Variants in POC1B observed in about 807,000 individuals in gnomAD.
The protein encoded by POC1B is POC1 centriolar protein B.
In POC1B, 44 loss-of-function variants were observed where a neutral mutation model predicts 60.6. The observed-to-expected ratio is 0.73, with a 90% CI of 0.57 to 0.93. POC1B has a LOEUF of 0.93. Ranked by LOEUF, POC1B falls within the 40% of genes least tolerant of loss-of-function variation. POC1B has a pLI of 0.00. For missense variants in POC1B, 555 were observed against 572.3 expected, an observed-to-expected ratio of 0.97 and a Z score of 0.31; for synonymous variants, 180 against 198.9, an observed-to-expected ratio of 0.90 and a Z score of 0.80.
At chr12:89,411,619 G>A in the POC1B span, among the ~76,000 whole-genome samples, 1 of 149,510 alleles carries the variant, frequency 6.7e-6, no homozygotes, top group South Asian at 2.2e-4. Context: ...AATAATGAAA[G>A]TCTTAGATGT....
intron 4 of POC1B, among the ~76,000 whole-genome samples, chr12:89,490,965 C>T (rs1456237985): frequency 6.6e-6 from 1 of 152,168 alleles, no homozygotes; most frequent in African/African-American, 2.4e-5. Flanking sequence ...CTGCTTCTGG[C>T]CTGGCTTTGA....
intron 4 of POC1B, among the ~76,000 whole-genome samples, chr12:89,476,755 T>TAGACAGAC (rs780678611): frequency 7.4e-5 from 5 of 68,020 alleles, no homozygotes; most frequent in African/African-American, 2.3e-4. Flanking sequence ...GATAGATAGA[T>TAGACAGAC]AGATAGACAG....
At chr12:89,469,607 T>A (rs1004237538) in intron 7 of POC1B, among the ~76,000 whole-genome samples, 4 of 152,134 alleles carry the variant, frequency 2.6e-5, no homozygotes, top group Non-Finnish European at 5.9e-5. Context: ...GGTGTTAGGC[T>A]GTGCTTACCC....
At chr12:89,408,824 T>C in the POC1B span, among the ~76,000 whole-genome samples, 1 of 152,154 alleles carries the variant, frequency 6.6e-6, no homozygotes, top group Admixed American at 6.6e-5. Flanking sequence ...TTCTAACTGG[T>C]GTGAGATGGT....
intron 11 of POC1B, among the ~76,000 whole-genome samples, chr12:89,424,711 C>T (rs1425836004): frequency 6.6e-6 from 1 of 152,098 alleles, no homozygotes; most frequent in Non-Finnish European, 1.5e-5. Context: ...CAAAGGTAAA[C>T]TGGCCTCAAA....
At chr12:89,467,796 A>G (rs750079292) in intron 7 of POC1B, 111 bp from the exon 8 acceptor site, 10 of 687,238 alleles carry the variant, frequency 1.5e-5, no homozygotes, top group South Asian at 6.9e-5. Flanking sequence ...TACTCATGCA[A>G]TAAGTCTAAT....
chr12:89,516,033 G>A (rs554072777), intron 2 of POC1B, among the ~76,000 whole-genome samples: 16 of 152,130 alleles, frequency 1.1e-4, no homozygotes, highest in Non-Finnish European at 2.1e-4. Flanking sequence ...CAAACAGATT[G>A]GAAACACTAT....
intron 9 of POC1B, among the ~76,000 whole-genome samples, chr12:89,462,477 A>C (rs1882517293): frequency 6.6e-6 from 1 of 152,158 alleles, no homozygotes. Flanking sequence ...CTCTGTGTCC[A>C]TGATACTGAG....
intron 9 of POC1B, chr12:89,461,117 T>G (rs1882467356): frequency 1.6e-5 from 2 of 127,986 alleles, no homozygotes; most frequent in South Asian, 5.8e-4. Context: ...CTAACATTAA[T>G]GATAGCTGAT....
intron 10 of POC1B, among the ~76,000 whole-genome samples, chr12:89,435,332 C>A (rs963164665): frequency 1.3e-5 from 2 of 152,028 alleles, no homozygotes; most frequent in Non-Finnish European, 2.9e-5. Context: ...AGGTGCACAC[C>A]ACCACACCCA....
chr12:89,494,549 C>T (rs1253490717), intron 3 of POC1B, among the ~76,000 whole-genome samples: 1 of 152,164 alleles, frequency 6.6e-6, no homozygotes, highest in Non-Finnish European at 1.5e-5. Context: ...TGTGACTCAT[C>T]TCATCCCTGT....
At chr12:89,443,027 G>A (rs1565898646) in intron 10 of POC1B, among the ~76,000 whole-genome samples, 1 of 152,232 alleles carries the variant, frequency 6.6e-6, no homozygotes, top group Non-Finnish European at 1.5e-5. Flanking sequence ...TAATGGTCAA[G>A]GGATCAATCC....
chr12:89,500,461 T>G, intron 2 of POC1B: 2 of 1,569,906 alleles, frequency 1.3e-6, no homozygotes, highest in Non-Finnish European at 1.8e-6. Flanking sequence ...TTCTGGCAAC[T>G]GATGTTAGTT....
chr12:89,504,347 G>C (rs1375748439), intron 2 of POC1B, among the ~76,000 whole-genome samples: 1 of 152,182 alleles, frequency 6.6e-6, no homozygotes, highest in Admixed American at 6.5e-5. Flanking sequence ...TGTCCACTCA[G>C]GGTTAAATGG....
intron 2 of POC1B, chr12:89,501,912 C>G: frequency 8.9e-7 from 1 of 1,129,636 alleles, no homozygotes; most frequent in Non-Finnish European, 1.4e-6. Context: ...CTGGAGGTAT[C>G]ATTGGTCATG....
chr12:89,461,707 C>T (rs560557062), intron 9 of POC1B: 6 of 152,172 alleles, frequency 3.9e-5, no homozygotes, highest in African/African-American at 1.4e-4. Context: ...GGAGATATAA[C>T]TGCAATGCTA....
At chr12:89,509,286 TC>T (rs1190216934) in intron 2 of POC1B, among the ~76,000 whole-genome samples, 2 of 152,246 alleles carry the variant, frequency 1.3e-5, no homozygotes, top group Admixed American at 6.5e-5. Context: ...CTCAAATTGT[TC>T]CAGATTTGGC....
chr12:89,526,036 G>A lies in POC1B; in HGVS notation c.-141C>T, dbSNP rs780952919. On this transcript the variant is annotated 5_prime_UTR_variant, in exon 1 of 12. Coordinates refer to ENST00000313546, the MANE Select transcript of POC1B (RefSeq NM_172240.3). Reference sequence around the variant, plus strand: ...AGCGCCTCCCGGTCACTACAACAACGGCGGCCCAGTCAAACCCCGCGCTCC... The same window carrying A: ...AGCGCCTCCCGGTCACTACAACAACAGCGGCCCAGTCAAACCCCGCGCTCC... 3 of 1,534,850 alleles carry A rather than the reference G, an allele frequency of 2.0e-6. No homozygotes were observed. The South Asian group carries it at 3.6e-5, about 18-fold the overall frequency.
intron 10 of POC1B, chr12:89,427,226 G>A (rs1388978913): frequency 6.6e-6 from 1 of 152,190 alleles, no homozygotes; most frequent in Non-Finnish European, 1.5e-5. Flanking sequence ...AACTGAGAGT[G>A]CAGAAATAAA....
Sources: gnomAD v4.1 joint callset for allele counts (sites outside exome capture counted in the v4.1 genomes callset) on GRCh38, gnomAD v4.1.1 for gene constraint, MANE v1.5 for transcripts, NCBI Gene and HGNC (gene_info 2026-07-23, HGNC 2026-07-21) for gene names.